Variants in SV2C observed in about 807,000 individuals in gnomAD.
SV2C encodes the protein solute carrier family 22 member B3.
In SV2C, 49 loss-of-function variants were observed where a neutral mutation model predicts 79.7. That is an observed-to-expected ratio of 0.61 (90% CI 0.49 to 0.78). The LOEUF (loss-of-function observed/expected upper bound fraction) is 0.78, where lower values mean the gene tolerates loss of function less well. Among genes scored for constraint, SV2C ranks in the 30% least tolerant of loss-of-function variants. The pLI is 0.00. For missense variants in SV2C, 833 were observed against 912.9 expected, an observed-to-expected ratio of 0.91 and a Z score of 1.13; for synonymous variants, 334 against 333.2, an observed-to-expected ratio of 1.00 and a Z score of -0.03.
At chr5:76,096,204 C>G (rs1432926449) in intron 1 of SV2C, among the ~76,000 whole-genome samples, 1 of 152,144 alleles carries the variant, frequency 6.6e-6, no homozygotes, top group Non-Finnish European at 1.5e-5. Context: ...TGGTTAACTT[C>G]TATCTTTTCC....
chr5:76,249,472 T>C (rs1746047341), intron 4 of SV2C, among the ~76,000 whole-genome samples: 1 of 152,210 alleles, frequency 6.6e-6, no homozygotes, highest in Non-Finnish European at 1.5e-5. Flanking sequence ...CCATTAAATA[T>C]TCAACATTGG....
chr5:76,034,243 C>T, the SV2C span, among the ~76,000 whole-genome samples: 1 of 151,954 alleles, frequency 6.6e-6, no homozygotes, highest in East Asian at 1.9e-4. Context: ...CCTTTATTTC[C>T]TTCTCCTGCC....
At chr5:76,237,529 T>G (rs560130566) in intron 4 of SV2C, among the ~76,000 whole-genome samples, 2 of 152,358 alleles carry the variant, frequency 1.3e-5, no homozygotes, top group South Asian at 4.1e-4. Context: ...GATCTATTTC[T>G]GGAACCCCTG....
intron 1 of SV2C, among the ~76,000 whole-genome samples, chr5:76,088,461 T>C (rs986654367): frequency 5.9e-5 from 9 of 152,166 alleles, no homozygotes; most frequent in Non-Finnish European, 8.8e-5. Flanking sequence ...AGATTTGGTG[T>C]CTGGTCAAGG....
At chr5:76,335,639 C>T (rs1186949331), downstream of SV2C, among the ~76,000 whole-genome samples, 1 of 151,928 alleles carries the variant, frequency 6.6e-6, no homozygotes, top group Non-Finnish European at 1.5e-5. Flanking sequence ...GAGCATGCTG[C>T]CTTCAAGCAT....
At chr5:75,892,804 G>A in the SV2C span, among the ~76,000 whole-genome samples, 1 of 151,866 alleles carries the variant, frequency 6.6e-6, no homozygotes, top group Non-Finnish European at 1.5e-5. Context: ...TGTATCAAGT[G>A]TTCTTTATCC....
At position 76,333,867 on chromosome 5, in the gene SV2C, C is replaced by A. The variant is rs1749252219; in HGVS notation, c.*8320C>A. 2 of 152,216 alleles carry A rather than the reference C, an allele frequency of 1.3e-5. No homozygotes were observed. Among genetic ancestry groups the A allele is most frequent in the Non-Finnish European group, 1.5e-5 (1 of 68,020 alleles). 9.4% of individuals were successfully genotyped at this position (152,216 alleles called of 1,614,324 possible). A position where few individuals can be genotyped will look rare whatever the true frequency, so the allele number is the denominator to read the frequency against. ...GTGTATACATTTATATGCCAGATAA[C>A]TAACATTCATGTAACAGCTGCAAAG... On this transcript the variant is annotated 3_prime_UTR_variant, in exon 13 of 13. Transcript: ENST00000502798.
the SV2C span, among the ~76,000 whole-genome samples, chr5:75,983,440 T>C: frequency 9.9e-5 from 15 of 152,156 alleles, no homozygotes; most frequent in East Asian, 1.9e-4. Flanking sequence ...CTGGAGCTGA[T>C]AGTGGCATTC....
At chr5:76,313,065 G>A (rs2112547354) in intron 12 of SV2C, among the ~76,000 whole-genome samples, 1 of 152,278 alleles carries the variant, frequency 6.6e-6, no homozygotes, top group African/African-American at 2.4e-5. Context: ...CAGCCTAGCT[G>A]GGCCTGGATT....
At chr5:75,950,139 T>C in the SV2C span, among the ~76,000 whole-genome samples, 1 of 152,050 alleles carries the variant, frequency 6.6e-6, no homozygotes, top group Non-Finnish European at 1.5e-5. Context: ...TTTATACGCA[T>C]TGCAAAAATC....
At chr5:76,020,749 G>C in the SV2C span, among the ~76,000 whole-genome samples, 2 of 152,152 alleles carry the variant, frequency 1.3e-5, no homozygotes, top group Non-Finnish European at 2.9e-5. Flanking sequence ...TTTTTTTCCA[G>C]TGGAATGTAA....
chr5:75,908,559 T>G, the SV2C span, among the ~76,000 whole-genome samples: 1 of 152,212 alleles, frequency 6.6e-6, no homozygotes, highest in African/African-American at 2.4e-5. Context: ...GTCCCATGGT[T>G]GAACTACCTG....
chr5:75,849,395 G>A, the SV2C span, among the ~76,000 whole-genome samples: 4 of 151,950 alleles, frequency 2.6e-5, no homozygotes, highest in Non-Finnish European at 2.9e-5. Flanking sequence ...AGAAATCTAT[G>A]GTCTGTATAC....
chr5:76,073,723 T>C, the SV2C span, among the ~76,000 whole-genome samples: 1 of 151,520 alleles, frequency 6.6e-6, no homozygotes, highest in Non-Finnish European at 1.5e-5. Flanking sequence ...ATAAGAATGA[T>C]ACAATGGACT....
At chr5:76,132,353 G>A (rs1256029543) in intron 2 of SV2C, 23 bp downstream of exon 2, 6 of 1,577,446 alleles carry the variant, frequency 3.8e-6, no homozygotes, top group Admixed American at 3.6e-5. Context: ...TGTCAGTGAG[G>A]CCAACTCTGA....
At chr5:76,207,455 A>G (rs894536151) in intron 3 of SV2C, among the ~76,000 whole-genome samples, 5 of 152,218 alleles carry the variant, frequency 3.3e-5, no homozygotes, top group African/African-American at 9.6e-5. Flanking sequence ...TGTGACACAG[A>G]TATTTTATTT....
intron 4 of SV2C, among the ~76,000 whole-genome samples, chr5:76,238,515 CTT>C (rs957177785): frequency 6.6e-6 from 1 of 152,060 alleles, no homozygotes; most frequent in African/African-American, 2.4e-5. Flanking sequence ...TGGACACTCT[CTT>C]AGTACCTGAA....
At chr5:76,177,827 A>ATT (rs1431093019) in intron 2 of SV2C, among the ~76,000 whole-genome samples, 4 of 151,970 alleles carry the variant, frequency 2.6e-5, no homozygotes, top group Admixed American at 1.3e-4. Context: ...AGGGTCTAAG[A>ATT]TGACTGACAT....
At chr5:76,254,506 A>G (rs1746212145) in intron 4 of SV2C, among the ~76,000 whole-genome samples, 1 of 152,164 alleles carries the variant, frequency 6.6e-6, no homozygotes, top group Non-Finnish European at 1.5e-5. Context: ...GCCCTTATGA[A>G]CTGCCTATTT....
Sources: gnomAD v4.1 joint callset for allele counts (sites outside exome capture counted in the v4.1 genomes callset) on GRCh38, gnomAD v4.1.1 for gene constraint, MANE v1.5 for transcripts, NCBI Gene and HGNC (gene_info 2026-07-23, HGNC 2026-07-21) for gene names.